Variants in KIRREL3 observed in about 807,000 individuals in gnomAD.
The protein encoded by KIRREL3 is kin of IRRE-like protein 3.
KIRREL3 carries 36 observed loss-of-function variants against 89.7 expected under a neutral mutation model. That is an observed-to-expected ratio of 0.40 (90% CI 0.31 to 0.53). The LOEUF is 0.53. Ranked by LOEUF, KIRREL3 falls within the 20% of genes least tolerant of loss-of-function variation. The probability of loss-of-function intolerance (pLI) is 0.49; values close to 1 mark genes in which losing one functional copy is unlikely to be tolerated. For synonymous variants in KIRREL3, 445 were observed against 441.4 expected (o/e 1.01, Z -0.10); for missense variants, 864 against 1,056.6 (o/e 0.82, Z 2.53).
intron 1 of KIRREL3, among the ~76,000 whole-genome samples, chr11:126,638,577 C>T (rs548579425): frequency 6.6e-6 from 1 of 152,342 alleles, no homozygotes; most frequent in East Asian, 1.9e-4. Context: ...GAAGAGGCAG[C>T]TGTTTTGCCT....
intron 1 of KIRREL3, among the ~76,000 whole-genome samples, chr11:126,982,898 A>T (rs1234678218): frequency 6.6e-6 from 1 of 152,190 alleles, no homozygotes; most frequent in South Asian, 2.1e-4. Flanking sequence ...GAGTTCTCAT[A>T]CTCTAGACTA....
rs1374546606 is a variant in KIRREL3, at chr11:126,769,242, G to A, written c.56-206330C>T. ...ACGGTGTAATACATTGCCATTACCT[G>A]CTTATGTGTCCTCCCTAGCGAGTAG... On this transcript the variant is annotated intron_variant, in intron 1 of 16. Transcript: ENST00000525144. The surrounding 1 kb of genome is among the most constrained non-coding windows in gnomAD (Gnocchi z 4.3). 6.6e-6 allele frequency among the ~76,000 whole-genome samples: 1 copy of A among 152,108 alleles called. No individual in the cohort carries two copies. The highest frequency in any genetic ancestry group is 2.4e-5 in the African/African-American group (1 of 41,416).
intron 1 of KIRREL3, among the ~76,000 whole-genome samples, chr11:126,589,568 A>G (rs1000873218): frequency 4.6e-5 from 7 of 152,204 alleles, no homozygotes; most frequent in Non-Finnish European, 8.8e-5. Context: ...GAGGAAATGG[A>G]ATCTCAGAGA....
rs1001578463 is a variant in KIRREL3 at position 126,778,364 on chromosome 11, A to C, written c.56-215452T>G. 1.3e-5 allele frequency among the ~76,000 whole-genome samples: 2 copies of C among 152,192 alleles called. No individual in the cohort carries two copies. Among genetic ancestry groups the C allele is most frequent in the Admixed American group, 6.5e-5 (1 of 15,282 alleles). On this transcript the variant is annotated intron_variant, in intron 1 of 16. Coordinates refer to ENST00000525144, the MANE Select transcript of KIRREL3 (RefSeq NM_032531.4). The surrounding 1 kb of genome is among the most constrained non-coding windows in gnomAD (Gnocchi z 4.5). ...AATCACCCATTTTTATGGAGACTGC[A>C]TCTTTGAAGAGGGGCTAAATCAGTG...
At chr11:126,934,778 C>T (rs1025920773) in intron 1 of KIRREL3, 7 of 152,100 alleles carry the variant, frequency 4.6e-5, no homozygotes, top group Admixed American at 6.6e-5. Flanking sequence ...GAGCAAAAGA[C>T]GGCCAGGCGC....
At position 126,529,784 on chromosome 11, in the gene KIRREL3, C is replaced by A. The variant is rs115142235; in HGVS notation, c.134-3097G>T. 2.9e-3 allele frequency among the ~76,000 whole-genome samples: 444 copies of A among 151,680 alleles called. 2 individuals carry two copies. The highest frequency in any genetic ancestry group is 0.01 in the African/African-American group (425 of 41,292). ...AGACAGTACTCTAATTGACAATGTC[C>A]CTTTTCAGTCCAATTTTAATTTTTG... On this transcript the variant is annotated intron_variant, in intron 2 of 16. Coordinates refer to ENST00000525144, the MANE Select transcript of KIRREL3 (RefSeq NM_032531.4).
At chr11:126,630,803 C>T (rs1312040097) in intron 1 of KIRREL3, among the ~76,000 whole-genome samples, 8 of 152,166 alleles carry the variant, frequency 5.3e-5, no homozygotes, top group East Asian at 1.9e-4. Context: ...CCCCACAGGG[C>T]GCTGAACTCC....
chr11:126,485,101 G>T lies in KIRREL3; in HGVS notation c.434-11635C>A, dbSNP rs778760020. Among the ~76,000 whole-genome samples, 9 of 152,122 alleles carry T rather than the reference G, an allele frequency of 5.9e-5. No homozygotes were observed. Among genetic ancestry groups the T allele is most frequent in the Non-Finnish European group, 1.3e-4 (9 of 68,004 alleles). On this transcript the variant is annotated intron_variant, in intron 4 of 16. Transcript: ENST00000525144. This position sits in a 1 kb window ranked among gnomAD's most constrained non-coding sequence, Gnocchi z 5.8. ...TCCAAAGTGCTGGGATTACAGCTGT[G>T]AGCCACTGCGCCCGGCCACAAGTGG... is the stretch of plus-strand genomic sequence containing the variant.
rs888471475 is a variant in KIRREL3 at position 126,876,224 on chromosome 11, T to A, written c.55+124231A>T. Reference sequence around the variant, plus strand: ...AATAAGCATTGGCAAGTTCTTTTCATGGACCAAGATTTGCTGCGGCTGACC... The same window carrying A: ...AATAAGCATTGGCAAGTTCTTTTCAAGGACCAAGATTTGCTGCGGCTGACC... On this transcript the variant is annotated intron_variant, in intron 1 of 16. Coordinates refer to ENST00000525144, the MANE Select transcript of KIRREL3 (RefSeq NM_032531.4). The surrounding 1 kb of genome is among the most constrained non-coding windows in gnomAD (Gnocchi z 4.1). Among the ~76,000 whole-genome samples, 2 of 152,224 alleles carry A rather than the reference T, an allele frequency of 1.3e-5. No homozygotes were observed. The highest frequency in any genetic ancestry group is 2.9e-5 in the Non-Finnish European group (2 of 68,038).
Position 126,754,611 on chromosome 11 carries a change from AT to A in KIRREL3, c.56-191700del, listed in dbSNP as rs1239329955. 6.6e-6 allele frequency among the ~76,000 whole-genome samples: 1 copy of A among 151,976 alleles called. No homozygotes were observed. Among genetic ancestry groups the A allele is most frequent in the Admixed American group, 6.6e-5 (1 of 15,226 alleles). ...AGATACGAGATAAATTAAAGGGATC[AT>A]TTTTAAAGTCACCAGGGAGTTCGTG... On this transcript the variant is annotated intron_variant, in intron 1 of 16. Coordinates refer to ENST00000525144, the MANE Select transcript of KIRREL3 (RefSeq NM_032531.4). This position sits in a 1 kb window ranked among gnomAD's most constrained non-coding sequence, Gnocchi z 5.1.
Position 126,644,021 on chromosome 11 carries a change from A to G in KIRREL3, c.56-81109T>C, listed in dbSNP as rs553552126. On this transcript the variant is annotated intron_variant, in intron 1 of 16. Coordinates refer to ENST00000525144, the MANE Select transcript of KIRREL3 (RefSeq NM_032531.4). ...CGTGCAGATGCTCAGTCTAGCTGGAACTATGTGCCTACAGTCCAGGCCATC... is the reference window on the plus strand; with the variant it reads ...CGTGCAGATGCTCAGTCTAGCTGGAGCTATGTGCCTACAGTCCAGGCCATC... 1.2e-3 allele frequency among the ~76,000 whole-genome samples: 186 copies of G among 152,332 alleles called. 5 individuals are homozygous for G. The South Asian group carries it at 0.035, about 29-fold the overall frequency.
At chr11:126,726,742 T>C (rs1201815263) in intron 1 of KIRREL3, among the ~76,000 whole-genome samples, 1 of 152,176 alleles carries the variant, frequency 6.6e-6, no homozygotes, top group East Asian at 1.9e-4. Flanking sequence ...CTCCTATCAT[T>C]TCCCTTCTCC....
In KIRREL3 at chr11:126,673,041, G is replaced by A. The variant is rs1946028494; in HGVS notation, c.56-110129C>T. Among the ~76,000 whole-genome samples, 3 of 152,216 alleles carry A rather than the reference G, an allele frequency of 2.0e-5. No homozygotes were observed. The South Asian group carries it at 6.2e-4, about 31-fold the overall frequency. On this transcript the variant is annotated intron_variant, in intron 1 of 16. Transcript: ENST00000525144. Reference sequence around the variant, plus strand: ...GTCTCTGGGGAAAATATTAAAGACAGAAATGGTCCCCCAGTGTAGAGCTGG... The same window carrying A: ...GTCTCTGGGGAAAATATTAAAGACAAAAATGGTCCCCCAGTGTAGAGCTGG...
chr11:126,769,012 G>A lies in KIRREL3; in HGVS notation c.56-206100C>T, dbSNP rs377530860. Reference sequence around the variant, plus strand: ...TGCAGTTTCCCAAATACACATTTCCGCAGCACATTTCCATGCCTCTGCATA... The same window carrying A: ...TGCAGTTTCCCAAATACACATTTCCACAGCACATTTCCATGCCTCTGCATA... On this transcript the variant is annotated intron_variant, in intron 1 of 16. Coordinates refer to ENST00000525144, the MANE Select transcript of KIRREL3 (RefSeq NM_032531.4). This position sits in a 1 kb window ranked among gnomAD's most constrained non-coding sequence, Gnocchi z 4.3. Among the ~76,000 whole-genome samples, 28 of 152,080 alleles carry A rather than the reference G, an allele frequency of 1.8e-4. No individual in the cohort carries two copies. The highest frequency in any genetic ancestry group is 3.9e-4 in the Admixed American group (6 of 15,272).
intron 6 of KIRREL3, among the ~76,000 whole-genome samples, chr11:126,458,843 G>A (rs1310007739): frequency 6.6e-6 from 1 of 152,204 alleles, no homozygotes; most frequent in Non-Finnish European, 1.5e-5. Context: ...ATAGCCACGA[G>A]AACGCTCCTC....
At chr11:126,662,973 G>A (rs1408560869) in intron 1 of KIRREL3, among the ~76,000 whole-genome samples, 1 of 137,232 alleles carries the variant, frequency 7.3e-6, no homozygotes, top group Non-Finnish European at 1.5e-5. Flanking sequence ...CTCAGAACTG[G>A]AGCCAGGAAT....
chr11:126,854,993 G>C (rs1372847850), intron 1 of KIRREL3, among the ~76,000 whole-genome samples: 1 of 152,096 alleles, frequency 6.6e-6, no homozygotes, highest in Non-Finnish European at 1.5e-5. Context: ...TGTGGAGTCC[G>C]AGGCACAGAG....
At position 126,527,780 on chromosome 11, in the gene KIRREL3, A is replaced by T. The variant is rs1343249254; in HGVS notation, c.134-1093T>A. On this transcript the variant is annotated intron_variant, in intron 2 of 16. Coordinates refer to ENST00000525144, the MANE Select transcript of KIRREL3 (RefSeq NM_032531.4). The surrounding 1 kb of genome is among the most constrained non-coding windows in gnomAD (Gnocchi z 4.2). ...TGGGGTGGGTGGTGCGGTGAATCCAAGTCTTTCTGGCTCTGAAGACCATGC... is the reference window on the plus strand; with the variant it reads ...TGGGGTGGGTGGTGCGGTGAATCCATGTCTTTCTGGCTCTGAAGACCATGC... Among the ~76,000 whole-genome samples, 1 of 152,094 alleles carries T rather than the reference A, an allele frequency of 6.6e-6. No individual in the cohort carries two copies. The highest frequency in any genetic ancestry group is 6.5e-5 in the Admixed American group (1 of 15,272).
At chr11:127,002,695 C>A (rs1012789451), upstream of KIRREL3, among the ~76,000 whole-genome samples, 1 of 152,180 alleles carries the variant, frequency 6.6e-6, no homozygotes, top group Non-Finnish European at 1.5e-5. Flanking sequence ...AATGCAGATT[C>A]TCTATCAAAG....
Sources: allele counts gnomAD v4.1 joint callset (sites outside exome capture counted in the v4.1 genomes callset), GRCh38; gene constraint gnomAD v4.1.1; non-coding constraint Gnocchi (gnomAD v3.1); transcripts MANE v1.5; gene names NCBI Gene and HGNC (gene_info 2026-07-23, HGNC 2026-07-21).